Variants in GRM8 observed in about 807,000 individuals in gnomAD.
GRM8 encodes the protein metabotropic glutamate receptor 8.
Under a neutral mutation model 87.2 loss-of-function variants are expected in GRM8, and 47 were observed. That is an observed-to-expected ratio of 0.54 (90% confidence interval 0.43 to 0.69). The LOEUF is 0.69. Among genes scored for constraint, GRM8 ranks in the 30% least tolerant of loss-of-function variants. The pLI is 0.00. For synonymous variants in GRM8, 396 were observed against 404.5 expected (o/e 0.98, Z 0.25); for missense variants, 1,019 against 1,139.2 (o/e 0.89, Z 1.52).
chr7:126,918,124 C>T (rs1451503547), intron 3 of GRM8, among the ~76,000 whole-genome samples: 2 of 152,104 alleles, frequency 1.3e-5, no homozygotes, highest in Non-Finnish European at 2.9e-5. Context: ...GGACAAAAGA[C>T]CAAGAAAATG....
intron 6 of GRM8, among the ~76,000 whole-genome samples, chr7:126,858,989 C>G (rs187224120): frequency 5.3e-5 from 8 of 152,052 alleles, no homozygotes; most frequent in South Asian, 2.1e-4. Context: ...CTCCACCCCC[C>G]ACCCCACACA....
chr7:126,619,623 A>C (rs1799901308), intron 7 of GRM8, among the ~76,000 whole-genome samples: 1 of 151,988 alleles, frequency 6.6e-6, no homozygotes, highest in Non-Finnish European at 1.5e-5. Context: ...TTATGCTCAC[A>C]TTTTCCTGTT....
chr7:127,023,447 T>A (rs938564269), intron 3 of GRM8, among the ~76,000 whole-genome samples: 1 of 152,048 alleles, frequency 6.6e-6, no homozygotes. Flanking sequence ...CCACACAGTA[T>A]GCAAAAGGGA....
At chr7:127,076,043 T>C (rs1822224136) in intron 3 of GRM8, 3 of 401,072 alleles carry the variant, frequency 7.5e-6, no homozygotes, top group South Asian at 1.8e-5. Flanking sequence ...TGGTTTGATA[T>C]GCTTAGTCTT....
chr7:126,936,536 C>T (rs1806342318), intron 3 of GRM8, among the ~76,000 whole-genome samples: 1 of 152,184 alleles, frequency 6.6e-6, no homozygotes, highest in African/African-American at 2.4e-5. Context: ...GAGACTACAC[C>T]TCCCTACTTC....
intron 8 of GRM8, among the ~76,000 whole-genome samples, chr7:126,561,018 A>G (rs1793634175): frequency 6.6e-6 from 1 of 152,156 alleles, no homozygotes; most frequent in Non-Finnish European, 1.5e-5. Context: ...AGTCAGCTTT[A>G]CTTCCTTGTG....
intron 9 of GRM8, among the ~76,000 whole-genome samples, chr7:126,527,767 T>C (rs1040568194): frequency 1.1e-4 from 17 of 152,322 alleles, no homozygotes; most frequent in African/African-American, 3.6e-4. Context: ...CAGTATTGTC[T>C]GTTAAATATT....
chr7:126,616,472 A>G (rs892380241), intron 7 of GRM8, among the ~76,000 whole-genome samples: 1 of 152,208 alleles, frequency 6.6e-6, no homozygotes, highest in African/African-American at 2.4e-5. Flanking sequence ...AGAACTAGAG[A>G]AGCAAGAGCA....
chr7:126,648,185 C>T (rs10487455), intron 7 of GRM8, among the ~76,000 whole-genome samples: 46,684 of 151,976 alleles, frequency 0.31, 8,031 homozygotes, highest in East Asian at 0.43. Context: ...TCAGAGAGAC[C>T]TTTTTATCCT....
At chr7:126,612,386 G>A (rs76337114) in intron 7 of GRM8, among the ~76,000 whole-genome samples, 1 of 151,970 alleles carries the variant, frequency 6.6e-6, no homozygotes, top group African/African-American at 2.4e-5. Flanking sequence ...CTTTGCTCAG[G>A]CTATTTTCTC....
chr7:126,993,200 C>T (rs2131965555), intron 3 of GRM8, among the ~76,000 whole-genome samples: 1 of 152,172 alleles, frequency 6.6e-6, no homozygotes, highest in South Asian at 2.1e-4. Flanking sequence ...TAGGCATATA[C>T]ATAATAAAAA....
chr7:126,513,487 G>C (rs1398059675), intron 9 of GRM8, among the ~76,000 whole-genome samples: 1 of 152,130 alleles, frequency 6.6e-6, no homozygotes, highest in Non-Finnish European at 1.5e-5. Context: ...AGGAAGTTCA[G>C]TGGGCACTAG....
chr7:126,764,267 T>G (rs1817953307), intron 7 of GRM8, among the ~76,000 whole-genome samples: 2 of 152,006 alleles, frequency 1.3e-5, no homozygotes, highest in Non-Finnish European at 2.9e-5. Flanking sequence ...ACTATAAATA[T>G]AAAATGTTAT....
At chr7:126,473,960 T>C (rs1584740000) in intron 9 of GRM8, among the ~76,000 whole-genome samples, 1 of 152,176 alleles carries the variant, frequency 6.6e-6, no homozygotes, top group East Asian at 1.9e-4. Context: ...TGTGGAACTA[T>C]GAATCCATTA....
chr7:126,526,989 C>T (rs765115201), intron 9 of GRM8, among the ~76,000 whole-genome samples: 2 of 152,154 alleles, frequency 1.3e-5, no homozygotes, highest in Non-Finnish European at 2.9e-5. Context: ...GACCGTAATA[C>T]ATTAAATAGT....
At chr7:127,032,261 A>G (rs2132311846) in intron 3 of GRM8, among the ~76,000 whole-genome samples, 1 of 152,288 alleles carries the variant, frequency 6.6e-6, no homozygotes, top group Non-Finnish European at 1.5e-5. Flanking sequence ...ATCCTCACAG[A>G]CATGCTCCAA....
At chr7:126,675,145 T>C (rs923524215) in intron 7 of GRM8, among the ~76,000 whole-genome samples, 2 of 152,152 alleles carry the variant, frequency 1.3e-5, no homozygotes, top group Non-Finnish European at 1.5e-5. Context: ...AGCAACAACA[T>C]TGATGCAAAC....
At chr7:126,768,046 A>C (rs1315317595) in intron 7 of GRM8, among the ~76,000 whole-genome samples, 2 of 152,022 alleles carry the variant, frequency 1.3e-5, no homozygotes, top group African/African-American at 4.8e-5. Flanking sequence ...AAGACCTCAC[A>C]TGGTATTCAT....
chr7:126,887,693 C>T (rs1800630346), intron 6 of GRM8, among the ~76,000 whole-genome samples: 2 of 152,052 alleles, frequency 1.3e-5, no homozygotes, highest in African/African-American at 2.4e-5. Flanking sequence ...GTTTGCCCAT[C>T]CTCATAATCA....
Sources: gnomAD v4.1 joint callset for allele counts (sites outside exome capture counted in the v4.1 genomes callset) on GRCh38, gnomAD v4.1.1 for gene constraint, MANE v1.5 for transcripts, NCBI Gene and HGNC (gene_info 2026-07-23, HGNC 2026-07-21) for gene names.